CDK6: variants seen among roughly 807,000 people sequenced by gnomAD.
CDK6 encodes cyclin-dependent kinase 6.
In CDK6, 6 loss-of-function variants were observed where a neutral mutation model predicts 37.1. The observed-to-expected ratio is 0.16, with a 90% CI of 0.09 to 0.32. The LOEUF is 0.32. CDK6 is among the 10% of genes least tolerant of loss of function. CDK6 has a pLI of 1.00. For synonymous variants in CDK6, 160 were observed against 161.3 expected, an observed-to-expected ratio of 0.99 and a Z score of 0.06; for missense variants, 224 against 418.9, an observed-to-expected ratio of 0.53 and a Z score of 4.06.
chr7:92,779,135 T>C (rs916578913), intron 2 of CDK6, among the ~76,000 whole-genome samples: 5 of 152,002 alleles, frequency 3.3e-5, no homozygotes, highest in African/African-American at 9.7e-5. Flanking sequence ...CAAGCACTCT[T>C]TGCATGACAC....
In CDK6 at chr7:92,776,680, CAT is replaced by C. The variant is rs918585769; in HGVS notation, c.234-1851_234-1850del. Among the ~76,000 whole-genome samples, 5 of 152,106 alleles carry C rather than the reference CAT, an allele frequency of 3.3e-5. No individual in the cohort carries two copies. The East Asian group carries it at 7.7e-4, about 23-fold the overall frequency. ...GAACAGTGATGATGAGCTTTTTTTT[CAT>C]ATGTTTGTTGGCCTCATAAATGTCT... On this transcript the variant is annotated intron_variant, in intron 2 of 7. Transcript: ENST00000424848.
intron 5 of CDK6, among the ~76,000 whole-genome samples, chr7:92,668,297 C>G (rs1440686342): frequency 6.6e-6 from 1 of 152,140 alleles, no homozygotes; most frequent in Non-Finnish European, 1.5e-5. Context: ...GTACATTCGA[C>G]AATGTTCGCA....
intron 4 of CDK6, among the ~76,000 whole-genome samples, chr7:92,704,932 A>T (rs1797934050): frequency 6.6e-6 from 1 of 152,204 alleles, no homozygotes. Flanking sequence ...AAAGTAGAGT[A>T]TCATTTTATG....
chr7:92,745,400 C>A (rs1799034307), intron 3 of CDK6, among the ~76,000 whole-genome samples: 1 of 152,118 alleles, frequency 6.6e-6, no homozygotes, highest in Non-Finnish European at 1.5e-5. Flanking sequence ...GATGACAGAG[C>A]AGTAGAACTC....
chr7:92,687,885 G>A (rs1357945768), intron 4 of CDK6, among the ~76,000 whole-genome samples: 1 of 152,180 alleles, frequency 6.6e-6, no homozygotes, highest in South Asian at 2.1e-4. Flanking sequence ...TCATATAAAG[G>A]AATCATGTGT....
Position 92,723,171 on chromosome 7 carries a change from G to A in CDK6, c.537+2455C>T, listed in dbSNP as rs550080925. On this transcript the variant is annotated intron_variant, in intron 4 of 7. Transcript: ENST00000424848. Reference sequence around the variant, plus strand: ...AGCCTGGGCAACAGAGTGAAACTCTGTCTCAAAAACAAAAACAAACAAAAA... The same window carrying A: ...AGCCTGGGCAACAGAGTGAAACTCTATCTCAAAAACAAAAACAAACAAAAA... Among the ~76,000 whole-genome samples, 12 of 152,228 alleles carry A rather than the reference G, an allele frequency of 7.9e-5. No homozygotes were observed. The East Asian group carries it at 2.1e-3, about 27-fold the overall frequency.
chr7:92,702,953 G>T (rs1429277127), intron 4 of CDK6, among the ~76,000 whole-genome samples: 2 of 152,194 alleles, frequency 1.3e-5, no homozygotes, highest in African/African-American at 2.4e-5. Flanking sequence ...TCCACTGGAT[G>T]TCAGTAGCAA....
rs562711140 is a variant in CDK6 at position 92,615,729 on chromosome 7, C to G, written c.835-443G>C. Among the ~76,000 whole-genome samples the G allele has an allele frequency of 2.6e-5, 4 of 152,302 alleles. No homozygotes were observed. In the South Asian group the frequency reaches 8.3e-4, roughly 32 times the overall value. On this transcript the variant is annotated intron_variant, in intron 7 of 7. Coordinates refer to ENST00000424848, the MANE Select transcript of CDK6 (RefSeq NM_001145306.2). ...AGCTCTCTCAGGGGACCATTAGATT[C>G]AGTTCGAGTCACTAAACTCTATTCC...
intron 3 of CDK6, among the ~76,000 whole-genome samples, chr7:92,770,941 A>T (rs2115766591): frequency 6.6e-6 from 1 of 152,160 alleles, no homozygotes; most frequent in Middle Eastern, 3.4e-3. Flanking sequence ...TATATATTTC[A>T]TGTTAAAATA....
chr7:92,652,413 T>C (rs537338385), intron 5 of CDK6, among the ~76,000 whole-genome samples: 1 of 152,236 alleles, frequency 6.6e-6, no homozygotes, highest in Non-Finnish European at 1.5e-5. Context: ...TTGAATAGCC[T>C]TTCATATATT....
At chr7:92,812,242 G>C (rs1259173752) in intron 2 of CDK6, among the ~76,000 whole-genome samples, 2 of 152,184 alleles carry the variant, frequency 1.3e-5, no homozygotes, top group African/African-American at 4.8e-5. Context: ...TTGAAGCTTA[G>C]AGGTAGGAAG....
chr7:92,711,500 G>A lies in CDK6; in HGVS notation c.537+14126C>T, dbSNP rs142758386. Among the ~76,000 whole-genome samples, 695 of 148,866 alleles carry A rather than the reference G, an allele frequency of 4.7e-3. 6 individuals carry two copies. Among genetic ancestry groups the A allele is most frequent in the African/African-American group, 0.016 (658 of 40,184 alleles). Reference sequence around the variant, plus strand: ...ATAGTGGCTTTTTTTCTGGAAGGAAGGATCATTGAGGATTTTCCCTTTTCA... The same window carrying A: ...ATAGTGGCTTTTTTTCTGGAAGGAAAGATCATTGAGGATTTTCCCTTTTCA... On this transcript the variant is annotated intron_variant, in intron 4 of 7. Transcript: ENST00000424848.
At chr7:92,817,468 C>CT (rs757732852) in intron 2 of CDK6, among the ~76,000 whole-genome samples, 26 of 151,782 alleles carry the variant, frequency 1.7e-4, no homozygotes, top group Non-Finnish European at 3.4e-4. Flanking sequence ...GAAAAACTCT[C>CT]TAAGCAAACT....
chr7:92,736,163 T>C (rs889136480), intron 3 of CDK6, among the ~76,000 whole-genome samples: 7 of 151,976 alleles, frequency 4.6e-5, no homozygotes, highest in African/African-American at 1.2e-4. Flanking sequence ...TTAAACAAGA[T>C]ATATTATAGA....
chr7:92,778,453 A>C (rs1406918162), intron 2 of CDK6, among the ~76,000 whole-genome samples: 7 of 152,242 alleles, frequency 4.6e-5, no homozygotes, highest in Non-Finnish European at 7.3e-5. Flanking sequence ...CATAAATCAT[A>C]TTAAGTCTCA....
At chr7:92,696,159 G>A (rs963965952) in intron 4 of CDK6, among the ~76,000 whole-genome samples, 1 of 152,220 alleles carries the variant, frequency 6.6e-6, no homozygotes, top group Non-Finnish European at 1.5e-5. Flanking sequence ...GGAGAAGGAA[G>A]CATCCAATTT....
At chr7:92,665,566 C>T (rs563640733) in intron 5 of CDK6, among the ~76,000 whole-genome samples, 109 of 152,322 alleles carry the variant, frequency 7.2e-4, no homozygotes, top group African/African-American at 2.4e-3. Context: ...TGCCCTATGA[C>T]TCTCTTTACT....
chr7:92,774,027 A>C (rs1799782564), intron 3 of CDK6, among the ~76,000 whole-genome samples: 1 of 152,210 alleles, frequency 6.6e-6, no homozygotes, highest in Non-Finnish European at 1.5e-5. Flanking sequence ...AAATAACAAC[A>C]AAACTTTATC....
chr7:92,652,346 T>C (rs752845999), intron 5 of CDK6, among the ~76,000 whole-genome samples: 1 of 152,234 alleles, frequency 6.6e-6, no homozygotes, highest in African/African-American at 2.4e-5. Context: ...TTTACGTCTT[T>C]ATAATTCTTT....
Sources: allele counts gnomAD v4.1 joint callset (sites outside exome capture counted in the v4.1 genomes callset), GRCh38; gene constraint gnomAD v4.1.1; transcripts MANE v1.5; gene names NCBI Gene and HGNC (gene_info 2026-07-23, HGNC 2026-07-21).